The following PKD2 variants were observed in gnomAD, a reference collection of about 807,000 sequenced individuals.
PKD2 encodes polycystin 2, transient receptor potential cation channel.
In PKD2, 48 loss-of-function variants were observed where a neutral mutation model predicts 105.9. The ratio of observed to expected loss-of-function variants is 0.45; its 90% CI spans 0.36 to 0.58. The LOEUF (loss-of-function observed/expected upper bound fraction) is 0.58, where lower values mean the gene tolerates loss of function less well. PKD2 is among the 20% of genes least tolerant of loss of function. The probability of loss-of-function intolerance (pLI) is 0.00; values close to 1 mark genes in which losing one functional copy is unlikely to be tolerated. For synonymous variants in PKD2, 464 were observed against 481.1 expected, an observed-to-expected ratio of 0.96 and a Z score of 0.46; for missense variants, 1,078 against 1,255.3, an observed-to-expected ratio of 0.86 and a Z score of 2.13.
intron 6 of PKD2, among the ~76,000 whole-genome samples, chr4:88,047,327 C>G (rs1225374074): frequency 1.3e-5 from 2 of 151,436 alleles, no homozygotes; most frequent in Non-Finnish European, 1.5e-5. Flanking sequence ...GAGGCCAAGG[C>G]AGGAGGATCA....
intron 5 of PKD2, among the ~76,000 whole-genome samples, chr4:88,044,315 A>T (rs547954995): frequency 6.6e-6 from 1 of 152,000 alleles, no homozygotes; most frequent in Admixed American, 6.6e-5. Context: ...CCTGGTGAGC[A>T]TGTCAGCAAC....
At chr4:88,015,641 C>T (rs1465385331) in intron 1 of PKD2, among the ~76,000 whole-genome samples, 2 of 152,200 alleles carry the variant, frequency 1.3e-5, no homozygotes, top group Non-Finnish European at 2.9e-5. Flanking sequence ...AGGCTGGTCT[C>T]AAACTCCTGA....
At chr4:88,057,474 C>T (rs1207861094) in intron 8 of PKD2, among the ~76,000 whole-genome samples, 3 of 140,736 alleles carry the variant, frequency 2.1e-5, no homozygotes, top group Non-Finnish European at 3.0e-5. Flanking sequence ...CTCGTTCCAT[C>T]GCCCAAGCTA....
At chr4:88,048,621 T>C (rs188758313) in intron 6 of PKD2, among the ~76,000 whole-genome samples, 8 of 152,302 alleles carry the variant, frequency 5.3e-5, no homozygotes, top group Admixed American at 5.2e-4. Context: ...TCTCAAGCCA[T>C]GGATATGTGC....
intron 13 of PKD2, among the ~76,000 whole-genome samples, chr4:88,070,827 A>G (rs1381167553): frequency 6.6e-6 from 1 of 151,648 alleles, no homozygotes; most frequent in East Asian, 1.9e-4. Context: ...TAGAGATGGC[A>G]TCTTGTTATG....
chr4:88,019,824 G>A lies in PKD2; in HGVS notation c.709+253G>A, dbSNP rs1726687005. ...ACCCCCATTTCCCAAAACTGCAGATGGCAACAGAAGGCTCTGAAAAATATA... is the reference window on the plus strand; with the variant it reads ...ACCCCCATTTCCCAAAACTGCAGATAGCAACAGAAGGCTCTGAAAAATATA... On this transcript the variant is annotated intron_variant, in intron 2 of 14. Coordinates refer to ENST00000237596, the MANE Select transcript of PKD2 (RefSeq NM_000297.4). 2.0e-5 allele frequency among the ~76,000 whole-genome samples: 3 copies of A among 152,160 alleles called. No homozygotes were observed. The South Asian group carries it at 6.2e-4, about 32-fold the overall frequency.
intron 8 of PKD2, among the ~76,000 whole-genome samples, chr4:88,057,210 G>A (rs1013740959): frequency 1.3e-5 from 2 of 151,692 alleles, no homozygotes; most frequent in Non-Finnish European, 2.9e-5. Context: ...GGGTGGTATT[G>A]AACTCCAGGG....
rs544718551 is a variant in PKD2, at chr4:88,037,221, T to C, written c.843+868T>C. Among the ~76,000 whole-genome samples, 9 of 151,224 alleles carry C rather than the reference T, an allele frequency of 6.0e-5. No individual in the cohort carries two copies. In the South Asian group the frequency reaches 1.9e-3, roughly 32 times the overall value. The stretch of plus-strand genomic sequence containing the variant: ...CTGCATTCCAGCTGGGGCAACAGAG[T>C]GAGACCCTTTCTCAAAAAAAATCCC... On this transcript the variant is annotated intron_variant, in intron 3 of 14. Coordinates refer to ENST00000237596, the MANE Select transcript of PKD2 (RefSeq NM_000297.4).
At chr4:88,053,636 A>G (rs1216003085) in intron 7 of PKD2, among the ~76,000 whole-genome samples, 4 of 149,844 alleles carry the variant, frequency 2.7e-5, no homozygotes, top group African/African-American at 5.0e-5. Flanking sequence ...CAGCCTGGGC[A>G]ACAGAGTGAG....
At chr4:88,017,310 G>GTACA (rs1354629043) in intron 1 of PKD2, among the ~76,000 whole-genome samples, 51 of 152,160 alleles carry the variant, frequency 3.4e-4, no homozygotes, top group Middle Eastern at 3.4e-3. Context: ...ACATACATAC[G>GTACA]TACATACATA....
chr4:88,057,606 T>C (rs1017727871), intron 8 of PKD2, among the ~76,000 whole-genome samples: 8 of 151,996 alleles, frequency 5.3e-5, no homozygotes, highest in Admixed American at 5.2e-4. Context: ...CAGCTAATTT[T>C]TGTATTTTTA....
Position 88,075,826 on chromosome 4 carries a change from G to C in PKD2, c.*132G>C, listed in dbSNP as rs1487806354. The stretch of plus-strand genomic sequence containing the variant: ...CTTTGTGACCGATTGCTAATCTTCT[G>C]CACTTTAATTTATTTTATATAAACT... On this transcript the variant is annotated 3_prime_UTR_variant, in exon 15 of 15. Transcript: ENST00000237596. 22 of 754,110 alleles carry C rather than the reference G, an allele frequency of 2.9e-5. 1 individual carries two copies. Among genetic ancestry groups the C allele is most frequent in the South Asian group, 2.9e-4 (20 of 69,540 alleles). 46.7% of individuals were successfully genotyped at this position (754,110 alleles called of 1,614,324 possible).
intron 2 of PKD2, among the ~76,000 whole-genome samples, chr4:88,029,635 A>G (rs928279737): frequency 2.6e-5 from 4 of 152,068 alleles, no homozygotes; most frequent in Admixed American, 6.5e-5. Flanking sequence ...CTAATCATCT[A>G]TTTCCTGACT....
chr4:88,063,285 A>C (rs1479893311), intron 10 of PKD2, among the ~76,000 whole-genome samples: 1 of 152,248 alleles, frequency 6.6e-6, no homozygotes, highest in East Asian at 1.9e-4. Flanking sequence ...TGGCTCACGC[A>C]TGTTGGGAGG....
At chr4:88,036,494 A>G in intron 3 of PKD2, 141 bp downstream of exon 3, 2 of 1,440,944 alleles carry the variant, frequency 1.4e-6, no homozygotes, top group Non-Finnish European at 1.9e-6. Context: ...AGTTGTTAGA[A>G]GTTACTGTTC....
chr4:88,025,326 C>T (rs531301804), intron 2 of PKD2, among the ~76,000 whole-genome samples: 45 of 151,904 alleles, frequency 3.0e-4, no homozygotes, highest in African/African-American at 1.1e-3. Flanking sequence ...GGCATGGTGA[C>T]GCACACCTGT....
rs915496576 is a variant in PKD2, at chr4:88,007,935, CCGGCCGGAGCCG to C, written c.208_219del (p.Gly70_Ala73del). 2.1e-6 allele frequency: 3 copies of C among 1,461,782 alleles called. No homozygotes were observed. Among genetic ancestry groups the C allele is most frequent in the Non-Finnish European group, 2.7e-6 (3 of 1,105,446 alleles). 90.6% of individuals were successfully genotyped at this position (1,461,782 alleles called of 1,614,324 possible). A position where few individuals can be genotyped will look rare whatever the true frequency, so the allele number is the denominator to read the frequency against. ...CCGGCAGGCGGCCGCGCGGGACCCCCCGGCCGGAGCCGCGGCCTCCCCTTCTCCTCCGCTCTC... is the reference window on the plus strand; with the variant it reads ...CCGGCAGGCGGCCGCGCGGGACCCCCCGGCCTCCCCTTCTCCTCCGCTCTC... On this transcript the variant is annotated inframe_deletion, in exon 1 of 15. Coordinates refer to ENST00000237596, the MANE Select transcript of PKD2 (RefSeq NM_000297.4).
chr4:88,071,496 T>C (rs946829212), intron 13 of PKD2, among the ~76,000 whole-genome samples: 16 of 152,058 alleles, frequency 1.1e-4, no homozygotes, highest in Admixed American at 4.6e-4. Context: ...CAGTTGTCTT[T>C]TTTTTTTTCT....
At chr4:88,058,813 C>T (rs1720455828) in intron 9 of PKD2, among the ~76,000 whole-genome samples, 1 of 151,388 alleles carries the variant, frequency 6.6e-6, no homozygotes, top group Non-Finnish European at 1.5e-5. Context: ...ATGTTTTTGC[C>T]CTAAGTCAAT....
Sources: gnomAD v4.1 joint callset for allele counts (sites outside exome capture counted in the v4.1 genomes callset) on GRCh38, gnomAD v4.1.1 for gene constraint, MANE v1.5 for transcripts, NCBI Gene and HGNC (gene_info 2026-07-23, HGNC 2026-07-21) for gene names.